Variants in MAF observed in about 807,000 individuals in gnomAD.
MAF encodes the protein transcription factor Maf.
MAF carries 10 observed loss-of-function variants against 22.0 expected under a neutral mutation model. The ratio of observed to expected loss-of-function variants is 0.45; its 90% CI spans 0.28 to 0.77. MAF has a LOEUF of 0.77. Among genes scored for constraint, MAF ranks in the 30% least tolerant of loss-of-function variants. The pLI is 0.12. For synonymous variants in MAF, 337 were observed against 255.8 expected (o/e 1.32, Z -3.03); for missense variants, 544 against 548.4 (o/e 0.99, Z 0.08).
the MAF span, among the ~76,000 whole-genome samples, chr16:79,544,054 G>C: frequency 6.6e-6 from 1 of 152,202 alleles, no homozygotes. Context: ...TTGAATGCTA[G>C]ACTAAAAACG....
the MAF span, among the ~76,000 whole-genome samples, chr16:79,552,461 G>A: frequency 2.6e-5 from 4 of 152,004 alleles, no homozygotes; most frequent in African/African-American, 7.3e-5. Flanking sequence ...CTCCCATGTC[G>A]GCCTTCCAAA....
the MAF span, among the ~76,000 whole-genome samples, chr16:79,499,502 A>G: frequency 3.9e-5 from 6 of 152,216 alleles, no homozygotes; most frequent in African/African-American, 1.4e-4. Context: ...ATATGTTGAA[A>G]TCCAATCATC....
the MAF span, among the ~76,000 whole-genome samples, chr16:79,404,164 CTT>C: frequency 1.0e-3 from 123 of 122,030 alleles, no homozygotes; most frequent in East Asian, 2.5e-3. Flanking sequence ...TCTGGATTTT[CTT>C]TTTTTTTTTT....
chr16:79,349,651 G>A, the MAF span, among the ~76,000 whole-genome samples: 1 of 152,150 alleles, frequency 6.6e-6, no homozygotes, highest in Non-Finnish European at 1.5e-5. Flanking sequence ...AGAGGATCAT[G>A]CCCTTCACAC....
At chr16:79,375,755 T>C in the MAF span, among the ~76,000 whole-genome samples, 2 of 152,188 alleles carry the variant, frequency 1.3e-5, no homozygotes, top group African/African-American at 2.4e-5. Flanking sequence ...TGCTGTAGTT[T>C]ACACCCAATG....
chr16:79,479,875 T>G, the MAF span, among the ~76,000 whole-genome samples: 5 of 152,192 alleles, frequency 3.3e-5, no homozygotes, highest in African/African-American at 1.2e-4. Context: ...CAGGGTTAAT[T>G]AGTGACAGGG....
At chr16:79,280,591 C>G in the MAF span, among the ~76,000 whole-genome samples, 1 of 152,170 alleles carries the variant, frequency 6.6e-6, no homozygotes, top group African/African-American at 2.4e-5. Flanking sequence ...CTGCTTGAAG[C>G]AAGGACCAAG....
the MAF span, among the ~76,000 whole-genome samples, chr16:79,251,077 T>C: frequency 6.6e-6 from 1 of 151,816 alleles, no homozygotes; most frequent in Non-Finnish European, 1.5e-5. Flanking sequence ...GATATTAGAT[T>C]CCCCCCGTTT....
chr16:79,452,366 A>T, the MAF span, among the ~76,000 whole-genome samples: 4 of 152,334 alleles, frequency 2.6e-5, no homozygotes, highest in South Asian at 6.2e-4. Flanking sequence ...TGCCTTAACT[A>T]CATATATGCA....
chr16:79,384,548 G>A, the MAF span, among the ~76,000 whole-genome samples: 1 of 151,754 alleles, frequency 6.6e-6, no homozygotes, highest in Non-Finnish European at 1.5e-5. Flanking sequence ...ACAAGGTCAG[G>A]AGATTGAGAC....
chr16:79,384,867 G>A, the MAF span, among the ~76,000 whole-genome samples: 936 of 152,322 alleles, frequency 6.1e-3, 4 homozygotes, highest in Middle Eastern at 0.017. Context: ...CCAGTTGTTC[G>A]TCAATGACAG....
the MAF span, among the ~76,000 whole-genome samples, chr16:79,434,713 A>C: frequency 6.6e-6 from 1 of 152,044 alleles, no homozygotes; most frequent in African/African-American, 2.4e-5. Context: ...ATCATCATTC[A>C]TACATATTTT....
At chr16:79,537,618 T>G in the MAF span, among the ~76,000 whole-genome samples, 1 of 152,168 alleles carries the variant, frequency 6.6e-6, no homozygotes, top group Non-Finnish European at 1.5e-5. Context: ...TCAGTCTTTT[T>G]CAATTAGGAA....
the MAF span, among the ~76,000 whole-genome samples, chr16:79,319,805 G>C: frequency 6.6e-6 from 1 of 152,182 alleles, no homozygotes; most frequent in African/African-American, 2.4e-5. Context: ...TTGAGGGAGA[G>C]AAACAATGAC....
the MAF span, among the ~76,000 whole-genome samples, chr16:79,386,015 C>G: frequency 1.3e-5 from 2 of 152,146 alleles, no homozygotes; most frequent in Non-Finnish European, 2.9e-5. Flanking sequence ...AAACCATGAG[C>G]CTGTCCTCAG....
At chr16:79,462,441 T>C in the MAF span, among the ~76,000 whole-genome samples, 1 of 152,268 alleles carries the variant, frequency 6.6e-6, no homozygotes, top group African/African-American at 2.4e-5. Context: ...GTGCTCCCCA[T>C]TGCTCTGAGT....
the MAF span, among the ~76,000 whole-genome samples, chr16:79,316,420 C>T: frequency 6.6e-6 from 1 of 152,312 alleles, no homozygotes; most frequent in South Asian, 2.1e-4. Context: ...TCTGCCTCCT[C>T]CCTGACATAC....
At chr16:79,241,662 G>A in the MAF span, among the ~76,000 whole-genome samples, 17 of 151,988 alleles carry the variant, frequency 1.1e-4, 1 homozygote, top group Admixed American at 2.0e-4. Context: ...GGCAAGGCAG[G>A]CCAACATTCA....
At chr16:79,324,456 C>G in the MAF span, among the ~76,000 whole-genome samples, 1 of 152,170 alleles carries the variant, frequency 6.6e-6, no homozygotes, top group African/African-American at 2.4e-5. Context: ...CTCGAGTATG[C>G]ATGGATTTTG....
Sources: gnomAD v4.1 joint callset for allele counts (sites outside exome capture counted in the v4.1 genomes callset) on GRCh38, gnomAD v4.1.1 for gene constraint, MANE v1.5 for transcripts, NCBI Gene and HGNC (gene_info 2026-07-23, HGNC 2026-07-21) for gene names.